Variants in SHISA6 observed in about 807,000 individuals in gnomAD.
SHISA6 encodes the protein shisa family member 6.
SHISA6 carries 22 observed loss-of-function variants against 47.9 expected under a neutral mutation model. That is an observed-to-expected ratio of 0.46 (90% CI 0.33 to 0.66). SHISA6 has a LOEUF of 0.66. SHISA6 is among the 30% of genes least tolerant of loss of function. SHISA6 has a pLI of 0.02. For missense variants in SHISA6, 680 were observed against 764.6 expected (o/e 0.89, Z 1.30); for synonymous variants, 388 against 337.8 (o/e 1.15, Z -1.63).
rs572140502 is a variant in SHISA6, at chr17:11,373,683, A to G, written c.800-5731A>G. Among the ~76,000 whole-genome samples the G allele has an allele frequency of 2.6e-5, 4 of 152,306 alleles. No homozygotes were observed. In the South Asian group the frequency reaches 6.2e-4, roughly 24 times the overall value. On this transcript the variant is annotated intron_variant, in intron 2 of 5. Transcript: ENST00000441885. ...TTCTTGTTTGCTTTGTGCATTCATC[A>G]TTATGACTGAGAACCATCCATGCTG... is the stretch of plus-strand genomic sequence containing the variant.
At chr17:11,383,314 A>G (rs1342281530) in intron 3 of SHISA6, among the ~76,000 whole-genome samples, 1 of 152,056 alleles carries the variant, frequency 6.6e-6, no homozygotes, top group Non-Finnish European at 1.5e-5. Context: ...GGGCTCTTCC[A>G]CTTCAAGGGC....
chr17:11,429,520 C>T (rs1345470089), intron 3 of SHISA6, among the ~76,000 whole-genome samples: 1 of 151,834 alleles, frequency 6.6e-6, no homozygotes, highest in Non-Finnish European at 1.5e-5. Flanking sequence ...TTGGCTCTCA[C>T]CTGTAGTCCC....
intron 3 of SHISA6, among the ~76,000 whole-genome samples, chr17:11,470,989 C>T (rs149830692): frequency 0.012 from 1,810 of 152,216 alleles, 24 homozygotes; most frequent in Non-Finnish European, 0.019. Flanking sequence ...GCAGGTGGAT[C>T]ACCTGAGGTT....
At chr17:11,425,741 T>C (rs1176343968) in intron 3 of SHISA6, among the ~76,000 whole-genome samples, 1 of 152,212 alleles carries the variant, frequency 6.6e-6, no homozygotes, top group Non-Finnish European at 1.5e-5. Flanking sequence ...TTCAGTTACA[T>C]TGGCTTTCTT....
At chr17:11,387,360 A>G (rs1166489469) in intron 3 of SHISA6, among the ~76,000 whole-genome samples, 3 of 152,130 alleles carry the variant, frequency 2.0e-5, no homozygotes, top group Non-Finnish European at 4.4e-5. Context: ...AAGGCTGGAA[A>G]AGTGACCATC....
chr17:11,283,793 A>C (rs1443022716), intron 2 of SHISA6, among the ~76,000 whole-genome samples: 1 of 152,212 alleles, frequency 6.6e-6, no homozygotes, highest in Non-Finnish European at 1.5e-5. Context: ...GACTAATGGG[A>C]AAATTCCAGT....
chr17:11,503,229 G>T (rs2071470123), intron 3 of SHISA6, among the ~76,000 whole-genome samples: 1 of 152,152 alleles, frequency 6.6e-6, no homozygotes, highest in African/African-American at 2.4e-5. Context: ...AGAACCCATG[G>T]CTGACAGCAC....
intron 2 of SHISA6, among the ~76,000 whole-genome samples, chr17:11,304,504 C>T (rs1328330494): frequency 2.7e-5 from 4 of 145,456 alleles, no homozygotes; most frequent in Non-Finnish European, 3.0e-5. Context: ...CAGAGAGAAG[C>T]AAAGGGCGGG....
intron 3 of SHISA6, among the ~76,000 whole-genome samples, chr17:11,416,527 T>C (rs1196074486): frequency 6.6e-6 from 1 of 152,218 alleles, no homozygotes; most frequent in Admixed American, 6.5e-5. Flanking sequence ...TAATAATGTG[T>C]AGTGCATTTT....
intron 3 of SHISA6, among the ~76,000 whole-genome samples, chr17:11,489,970 G>C (rs2142337140): frequency 6.6e-6 from 1 of 152,312 alleles, no homozygotes; most frequent in East Asian, 1.9e-4. Context: ...TCAAAGAATA[G>C]GGGTTTCCAT....
chr17:11,405,809 G>GA (rs1913936480), intron 3 of SHISA6, among the ~76,000 whole-genome samples: 5 of 151,468 alleles, frequency 3.3e-5, no homozygotes, highest in African/African-American at 9.7e-5. Context: ...AAAAAGAAAA[G>GA]AAAAAAAATT....
chr17:11,535,381 G>C (rs2071778317), intron 3 of SHISA6, among the ~76,000 whole-genome samples: 1 of 152,146 alleles, frequency 6.6e-6, no homozygotes, highest in Admixed American at 6.5e-5. Context: ...ATAGGATGAT[G>C]GCCTTTAGGT....
At chr17:11,374,287 T>C (rs556089674) in intron 2 of SHISA6, among the ~76,000 whole-genome samples, 2 of 152,320 alleles carry the variant, frequency 1.3e-5, no homozygotes, top group Middle Eastern at 6.8e-3. Context: ...TAGAAAGTAA[T>C]GTAAATATAC....
chr17:11,408,910 A>C (rs990700907), intron 3 of SHISA6, among the ~76,000 whole-genome samples: 29 of 152,368 alleles, frequency 1.9e-4, no homozygotes, highest in African/African-American at 6.3e-4. Context: ...GGACACACCA[A>C]GACACTATAA....
At chr17:11,536,836 A>G (rs2071792263) in intron 3 of SHISA6, among the ~76,000 whole-genome samples, 1 of 152,114 alleles carries the variant, frequency 6.6e-6, no homozygotes, top group Non-Finnish European at 1.5e-5. Context: ...AGTTTTCCCT[A>G]TTACCAGCAA....
intron 3 of SHISA6, among the ~76,000 whole-genome samples, chr17:11,402,857 G>A (rs1322675505): frequency 6.6e-6 from 1 of 152,204 alleles, no homozygotes; most frequent in Non-Finnish European, 1.5e-5. Context: ...ACCAGAAGAT[G>A]CCAAAAGGTG....
chr17:11,483,300 TA>T (rs59166425), intron 3 of SHISA6, among the ~76,000 whole-genome samples: 39,781 of 138,552 alleles, frequency 0.29, 5,404 homozygotes, highest in African/African-American at 0.33. Context: ...AAACTCCGTC[TA>T]AAAAAAAAAA....
intron 3 of SHISA6, among the ~76,000 whole-genome samples, chr17:11,498,480 T>C (rs2071425815): frequency 6.6e-6 from 1 of 152,168 alleles, no homozygotes; most frequent in African/African-American, 2.4e-5. Context: ...TAGTTAATAA[T>C]TTGTTGTACA....
intron 2 of SHISA6, among the ~76,000 whole-genome samples, chr17:11,280,820 A>G (rs1187119546): frequency 1.3e-5 from 2 of 152,234 alleles, no homozygotes; most frequent in Admixed American, 6.5e-5. Flanking sequence ...ATGGCATGAG[A>G]GCAAGTTAGA....
Sources: allele counts gnomAD v4.1 joint callset (sites outside exome capture counted in the v4.1 genomes callset), GRCh38; gene constraint gnomAD v4.1.1; transcripts MANE v1.5; gene names NCBI Gene and HGNC (gene_info 2026-07-23, HGNC 2026-07-21).